FAM210A: variants seen among roughly 807,000 people sequenced by gnomAD.
FAM210A encodes the protein mitochondrial inner membrane scaffold 1, also known as family with sequence similarity 210 member A.
A neutral mutation model predicts 25.3 loss-of-function variants in FAM210A; 13 were observed. The observed-to-expected ratio is 0.51, with a 90% CI of 0.33 to 0.82. FAM210A has a LOEUF of 0.82. FAM210A is among the 40% of genes least tolerant of loss of function. The probability of loss-of-function intolerance (pLI) is 0.02; values close to 1 mark genes in which losing one functional copy is unlikely to be tolerated. For missense variants in FAM210A, 319 were observed against 323.2 expected (o/e 0.99, Z 0.10); for synonymous variants, 125 against 118.7 (o/e 1.05, Z -0.35).
intron 1 of FAM210A, among the ~76,000 whole-genome samples, chr18:13,707,667 T>C (rs2043789430): frequency 6.6e-6 from 1 of 152,214 alleles, no homozygotes; most frequent in South Asian, 2.1e-4. Context: ...TACTTCTACA[T>C]TTGAGTCCTT....
chr18:13,671,663 T>C (rs2043443340), intron 3 of FAM210A, among the ~76,000 whole-genome samples, 199 bp downstream of exon 3: 1 of 144,722 alleles, frequency 6.9e-6, no homozygotes, highest in Non-Finnish European at 1.5e-5. Context: ...CACTCCAGCC[T>C]GGCAAACAAG....
intron 1 of FAM210A, among the ~76,000 whole-genome samples, chr18:13,683,535 G>C (rs1302096763): frequency 1.3e-5 from 2 of 150,236 alleles, no homozygotes; most frequent in African/African-American, 4.9e-5. Flanking sequence ...CTCCACTCCA[G>C]CCTGGACAAT....
chr18:13,697,476 G>T, intron 1 of FAM210A: 1 of 172,042 alleles, frequency 5.8e-6, no homozygotes, highest in Admixed American at 6.3e-5. Context: ...ATTGTTGGTG[G>T]GAATGCAAAA....
At chr18:13,683,480 C>T (rs2043571972) in intron 1 of FAM210A, among the ~76,000 whole-genome samples, 2 of 151,764 alleles carry the variant, frequency 1.3e-5, no homozygotes, top group Non-Finnish European at 2.9e-5. Flanking sequence ...TGGGAGGACA[C>T]TTGAGCCCAG....
chr18:13,678,487 T>C (rs2043523483), intron 2 of FAM210A, among the ~76,000 whole-genome samples: 1 of 152,056 alleles, frequency 6.6e-6, no homozygotes, highest in Non-Finnish European at 1.5e-5. Flanking sequence ...ATGGGGTTTC[T>C]CCATGTTGGT....
chr18:13,716,120 G>A (rs1264949775), intron 1 of FAM210A, among the ~76,000 whole-genome samples: 1 of 152,166 alleles, frequency 6.6e-6, no homozygotes, highest in Non-Finnish European at 1.5e-5. Context: ...ACAAGTGGCT[G>A]ATGGCTACTG....
At chr18:13,724,628 G>C (rs1489722728) in intron 1 of FAM210A, among the ~76,000 whole-genome samples, 1 of 152,156 alleles carries the variant, frequency 6.6e-6, no homozygotes, top group Non-Finnish European at 1.5e-5. Context: ...CTGCTTTCAA[G>C]AATCCTTCCC....
intron 2 of FAM210A, among the ~76,000 whole-genome samples, chr18:13,680,740 T>C (rs972457579): frequency 6.6e-6 from 1 of 152,222 alleles, no homozygotes; most frequent in Non-Finnish European, 1.5e-5. Context: ...GAGAGTTTAC[T>C]GAAGTGTCTA....
chr18:13,684,084 C>T (rs1346326412), intron 1 of FAM210A, among the ~76,000 whole-genome samples: 2 of 152,158 alleles, frequency 1.3e-5, no homozygotes, highest in Non-Finnish European at 2.9e-5. Context: ...AATAAATAGG[C>T]TCCCAAGAAG....
At chr18:13,711,242 G>A (rs562024892) in intron 1 of FAM210A, among the ~76,000 whole-genome samples, 9 of 152,036 alleles carry the variant, frequency 5.9e-5, no homozygotes, top group Admixed American at 1.3e-4. Context: ...ATCGTGGTGG[G>A]TGCCTGTAAT....
In FAM210A at chr18:13,666,512, C is replaced by G. The variant is rs1231476605; in HGVS notation, c.787G>C (p.Glu263Gln). The G allele has an allele frequency of 1.9e-6, 3 of 1,613,532 alleles. No individual in the cohort carries two copies. The highest frequency in any genetic ancestry group is 2.5e-6 in the Non-Finnish European group (3 of 1,179,834). The change falls in exon 4 of 4, where the codon GAA (glutamate) becomes CAA (glutamine). Residue 263 changes from glutamate (E) to glutamine (Q), a missense_variant. Physicochemically the swap from Glu to Gln is conservative, Grantham distance 29 (BLOSUM62 2). Transcript: ENST00000651643. ...RLTEKLQETK[E>Q]KVSFKKKVE ...ACTTTTTTCTTAAAGGAAACTTTTT[C>G]TTTGGTTTCTTGTAACTTTTCAGTG...
chr18:13,723,866 A>C (rs192057449), intron 1 of FAM210A, among the ~76,000 whole-genome samples: 37 of 152,384 alleles, frequency 2.4e-4, no homozygotes, highest in Non-Finnish European at 3.1e-4. Flanking sequence ...TTTCAGTAGG[A>C]ACACTTTCCT....
intron 2 of FAM210A, among the ~76,000 whole-genome samples, chr18:13,675,390 C>G (rs2043486581): frequency 7.9e-6 from 1 of 127,350 alleles, no homozygotes; most frequent in Non-Finnish European, 1.7e-5. Flanking sequence ...TTCCTGAGCC[C>G]CGACTTCATT....
intron 1 of FAM210A, among the ~76,000 whole-genome samples, chr18:13,714,510 CAAGA>C (rs2043845389): frequency 6.6e-6 from 1 of 152,066 alleles, no homozygotes; most frequent in Non-Finnish European, 1.5e-5. Context: ...AAGTTTTGAG[CAAGA>C]AAGTGATATG....
chr18:13,692,924 C>A (rs931708720), intron 1 of FAM210A, among the ~76,000 whole-genome samples: 1 of 151,954 alleles, frequency 6.6e-6, no homozygotes, highest in Non-Finnish European at 1.5e-5. Flanking sequence ...GATAGAGACA[C>A]AAAAAACCCT....
chr18:13,722,913 G>A (rs1157064743), intron 1 of FAM210A, among the ~76,000 whole-genome samples: 2 of 150,986 alleles, frequency 1.3e-5, no homozygotes, highest in Admixed American at 6.6e-5. Flanking sequence ...GTGCAATCTC[G>A]GCTCACTGCA....
intron 1 of FAM210A, among the ~76,000 whole-genome samples, chr18:13,720,911 C>T (rs2043893233): frequency 6.6e-6 from 1 of 152,164 alleles, no homozygotes; most frequent in Non-Finnish European, 1.5e-5. Flanking sequence ...TGGTGTTCCT[C>T]TACTTCAGTT....
In FAM210A at chr18:13,708,997, A is replaced by T. The variant is rs546500027; in HGVS notation, c.-29+17332T>A. Reference sequence around the variant, plus strand: ...AATAACTAATCACTGCTAACAAAACAACAGAGTAAAATAATGCCAGCATAC... The same window carrying T: ...AATAACTAATCACTGCTAACAAAACTACAGAGTAAAATAATGCCAGCATAC... On this transcript the variant is annotated intron_variant, in intron 1 of 3. Transcript: ENST00000651643. Among the ~76,000 whole-genome samples, 3 of 152,362 alleles carry T rather than the reference A, an allele frequency of 2.0e-5. 1 individual carries two copies. In the South Asian group the frequency reaches 6.2e-4, roughly 32 times the overall value.
At position 13,666,559 on chromosome 18, in the gene FAM210A, ATT is replaced by A; in HGVS notation, c.738_739del (p.Lys246AsnfsTer7). 1 of 1,613,376 alleles carries A rather than the reference ATT, an allele frequency of 6.2e-7. No homozygotes were observed. The highest frequency in any genetic ancestry group is 8.5e-7 in the Non-Finnish European group (1 of 1,179,852). On this transcript the variant is annotated frameshift_variant, in exon 4 of 4. Coordinates refer to ENST00000651643, the MANE Select transcript of FAM210A (RefSeq NM_152352.4). LOFTEE classifies it high-confidence loss of function. ...AGTGAGTCTATCTTTTGTTTCTTCC[ATT>A]TTCTCTGTGATAAGCTCCTTTGTCT...
Sources: gnomAD v4.1 joint callset for allele counts (sites outside exome capture counted in the v4.1 genomes callset) on GRCh38, gnomAD v4.1.1 for gene constraint, MANE v1.5 for transcripts, NCBI Gene and HGNC (gene_info 2026-07-23, HGNC 2026-07-21) for gene names.